Variants in DSG4 observed in about 807,000 individuals in gnomAD.
The protein encoded by DSG4 is desmoglein-4.
In DSG4, 87 loss-of-function variants were observed where a neutral mutation model predicts 93.1. The observed-to-expected ratio is 0.93, with a 90% CI of 0.79 to 1.12. The LOEUF (loss-of-function observed/expected upper bound fraction) is 1.12, where lower values mean the gene tolerates loss of function less well. Ranked by LOEUF, DSG4 falls within the 50% of genes most tolerant of loss-of-function variation. The pLI, the probability that DSG4 is intolerant of heterozygous loss-of-function variation, is 0.00. For missense variants in DSG4, 1,373 were observed against 1,285.7 expected, an observed-to-expected ratio of 1.07 and a Z score of -1.04; for synonymous variants, 432 against 452.9, an observed-to-expected ratio of 0.95 and a Z score of 0.59.
chr18:31,403,048 G>A (rs1393681482), intron 10 of DSG4, among the ~76,000 whole-genome samples: 2 of 151,990 alleles, frequency 1.3e-5, no homozygotes, highest in Non-Finnish European at 2.9e-5. Flanking sequence ...CTAATTTATG[G>A]GAACAGGGTG....
chr18:31,411,471 T>C, intron 15 of DSG4, 23 bp downstream of exon 15: 1 of 1,610,612 alleles, frequency 6.2e-7, no homozygotes, highest in Non-Finnish European at 8.5e-7. Context: ...CAGTCACACA[T>C]AAAATCGTCT....
chr18:31,396,609 G>A (rs1017711224), intron 8 of DSG4, among the ~76,000 whole-genome samples: 43 of 152,038 alleles, frequency 2.8e-4, no homozygotes, highest in African/African-American at 9.2e-4. Context: ...GCCCACCTCA[G>A]CTTCGCACAG....
intron 8 of DSG4, among the ~76,000 whole-genome samples, chr18:31,396,891 CCTT>C (rs2072311787): frequency 6.6e-6 from 1 of 152,106 alleles, no homozygotes; most frequent in Admixed American, 6.5e-5. Flanking sequence ...ACTATAAACT[CCTT>C]CCCAGCTGTG....
In DSG4 at chr18:31,404,389, T is replaced by C. The variant is rs558324771; in HGVS notation, c.1636+755T>C. The stretch of plus-strand genomic sequence containing the variant: ...AGAATAAATTTCAGATAACATAACA[T>C]TTTATCTACCTTGCGTTCTTTTTCC... On this transcript the variant is annotated intron_variant, in intron 11 of 15. Transcript: ENST00000308128. Among the ~76,000 whole-genome samples the C allele has an allele frequency of 1.0e-3, 153 of 152,330 alleles. 1 individual carries two copies. The highest frequency in any genetic ancestry group is 2.9e-3 in the Admixed American group (45 of 15,294).
rs763071841 is a variant in DSG4, at chr18:31,409,507, G to A, written c.1989G>A (p.Leu663=). ...CCCKQRQPEG[L]GTRFAPVPEG... ...GCAAACAGAGACAGCCAGAAGGCCT[G>A]GGAACAAGATTTGCTCCTGTGCCTG... The change falls in exon 13 of 16, where the codon CTG becomes CTA. Residue 663 remains leucine (L), a synonymous_variant. Transcript: ENST00000308128. 1.2e-6 allele frequency: 2 copies of A among 1,614,124 alleles called. No individual in the cohort carries two copies. Among genetic ancestry groups the A allele is most frequent in the East Asian group, 2.2e-5 (1 of 44,880 alleles).
rs1186501270 is a variant in DSG4 at position 31,392,085 on chromosome 18, A to G, written c.820-70A>G. 2.1e-6 allele frequency: 3 copies of G among 1,431,032 alleles called. No homozygotes were observed. The East Asian group carries it at 7.0e-5, about 33-fold the overall frequency. 88.6% of individuals were successfully genotyped at this position (1,431,032 alleles called of 1,614,324 possible). ...GTTTGTTGTTAGTATTTTAAATAAT[A>G]ATAATGTGTTTTAAGTACGTTTCTT... On this transcript the variant is annotated intron_variant, in intron 7 of 15. Transcript: ENST00000308128.
At chr18:31,403,874 A>G (rs1274750843) in intron 11 of DSG4, among the ~76,000 whole-genome samples, 1 of 152,222 alleles carries the variant, frequency 6.6e-6, no homozygotes, top group Non-Finnish European at 1.5e-5. Flanking sequence ...GTGGATAAAT[A>G]CCAGTTTACC....
rs562834213 is a variant in DSG4, at chr18:31,390,628, C to T, written c.518-28C>T. 1.7e-5 allele frequency: 27 copies of T among 1,612,736 alleles called. No individual in the cohort carries two copies. In the South Asian group the frequency reaches 2.4e-4, roughly 14 times the overall value. The stretch of plus-strand genomic sequence containing the variant: ...CTGAATTTATTCTAAGAGTCCCAAC[C>T]ATTCTCCACCTCCATTTCTATTTCT... On this transcript the variant is annotated intron_variant, in intron 5 of 15. Transcript: ENST00000308128.
At chr18:31,399,566 G>A (rs1160712431) in intron 9 of DSG4, 23 bp downstream of exon 9, 1 of 1,613,410 alleles carries the variant, frequency 6.2e-7, no homozygotes, top group South Asian at 1.1e-5. Flanking sequence ...TTTTCTTCAT[G>A]TTCTATGGTT....
rs1269350558 is a variant in DSG4, at chr18:31,399,546, A to G, written c.1277+3A>G. On this transcript the variant is annotated splice_donor_region_variant and intron_variant, in intron 9 of 15. Coordinates refer to ENST00000308128, the MANE Select transcript of DSG4 (RefSeq NM_177986.5). ...GGAAACCCTGCAACAGATGTCAGGT[A>G]CTGCAACTATTTTCTTCATGTTCTA... is the stretch of plus-strand genomic sequence containing the variant. 8.7e-6 allele frequency: 14 copies of G among 1,613,788 alleles called. No individual in the cohort carries two copies. The highest frequency in any genetic ancestry group is 1.2e-5 in the Non-Finnish European group (14 of 1,179,894).
chr18:31,390,643 T>C lies in DSG4; in HGVS notation c.518-13T>C. On this transcript the variant is annotated splice_polypyrimidine_tract_variant and intron_variant, in intron 5 of 15. Coordinates refer to ENST00000308128, the MANE Select transcript of DSG4 (RefSeq NM_177986.5). ...GAGTCCCAACCATTCTCCACCTCCATTTCTATTTCTAGATACATTGGTAGT... is the reference window on the plus strand; with the variant it reads ...GAGTCCCAACCATTCTCCACCTCCACTTCTATTTCTAGATACATTGGTAGT... 1 of 1,613,280 alleles carries C rather than the reference T, an allele frequency of 6.2e-7. No homozygotes were observed. The highest frequency in any genetic ancestry group is 8.5e-7 in the Non-Finnish European group (1 of 1,179,392).
intron 1 of DSG4, among the ~76,000 whole-genome samples, chr18:31,379,848 G>T (rs2144156193): frequency 6.6e-6 from 1 of 152,254 alleles, no homozygotes; most frequent in Admixed American, 6.5e-5. Context: ...ATATGACAGA[G>T]AGAAAAACAC....
rs2072511441 is a variant in DSG4 at position 31,412,928 on chromosome 18, G to T, written c.2456G>T (p.Gly819Val). 6.2e-7 allele frequency: 1 copy of T among 1,614,166 alleles called. No homozygotes were observed. The highest frequency in any genetic ancestry group is 1.3e-5 in the African/African-American group (1 of 75,034). The change falls in exon 16 of 16, where the codon GGT becomes GTT. Residue 819 changes from glycine to valine, a missense_variant. By Grantham distance (109) the Gly-to-Val change is moderately radical. Transcript: ENST00000308128. ...EGVGSPVGSI[G>V]CCSWIVDDLD... ...GTCGGGTCTCCCGTAGGCTCTATTGGTTGTTGCAGTTGGATTGTGGATGAC... is the reference window on the plus strand; with the variant it reads ...GTCGGGTCTCCCGTAGGCTCTATTGTTTGTTGCAGTTGGATTGTGGATGAC...
chr18:31,383,804 G>A (rs1434958104), intron 1 of DSG4, among the ~76,000 whole-genome samples: 1 of 152,014 alleles, frequency 6.6e-6, no homozygotes, highest in Non-Finnish European at 1.5e-5. Flanking sequence ...CTAAACTAAG[G>A]AATAATGGAA....
intron 10 of DSG4, 46 bp downstream of exon 10, chr18:31,401,066 T>C (rs994812527): frequency 2.1e-6 from 3 of 1,425,986 alleles, no homozygotes; most frequent in African/African-American, 2.9e-5. Context: ...AGTACTATTA[T>C]ATTAAATATT....
In DSG4 at chr18:31,403,590, A is replaced by G. The variant is rs755354160; in HGVS notation, c.1592A>G (p.Glu531Gly). ...CCGTTTACTTTCTGTGTTGTTGATG[A>G]GCCACCAGGAATAGCTGACATGTGG... ...GSPFTFCVVDEPPGIADMWDV... is the reference protein window; with the variant it reads ...GSPFTFCVVDGPPGIADMWDV... The change falls in exon 11 of 16, where the codon GAG becomes GGG. Residue 531 changes from glutamate (E) to glycine (G), a missense_variant. Coordinates refer to ENST00000308128, the MANE Select transcript of DSG4 (RefSeq NM_177986.5). 1 of 1,614,072 alleles carries G rather than the reference A, an allele frequency of 6.2e-7. No individual in the cohort carries two copies. Among genetic ancestry groups the G allele is most frequent in the Non-Finnish European group, 8.5e-7 (1 of 1,179,954 alleles).
chr18:31,389,166 T>C (rs2072222838), intron 5 of DSG4, 148 bp downstream of exon 5: 1 of 912,900 alleles, frequency 1.1e-6, no homozygotes, highest in African/African-American at 1.7e-5. Context: ...AATTTATAAC[T>C]GAGCTAGAAA....
At chr18:31,411,866 A>G (rs909998877) in intron 15 of DSG4, among the ~76,000 whole-genome samples, 3 of 152,186 alleles carry the variant, frequency 2.0e-5, no homozygotes, top group Non-Finnish European at 2.9e-5. Context: ...GAAAATAAAA[A>G]GAATTGGGAA....
rs377479377 is a variant in DSG4, at chr18:31,409,479, G to C, written c.1961G>C (p.Cys654Ser). Residue 654 changes from cysteine (C) to serine (S), a missense_variant, in exon 13 of 16, where the codon TGC becomes TCC. Cys to Ser is a moderately radical substitution (Grantham distance 112). Coordinates refer to ENST00000308128, the MANE Select transcript of DSG4 (RefSeq NM_177986.5). ...ILAPLLLLLCCCKQRQPEGLG... is the reference protein window; with the variant it reads ...ILAPLLLLLCSCKQRQPEGLG... ...GCTCCACTCTTGCTGCTCCTGTGTT[G>C]CTGCAAACAGAGACAGCCAGAAGGC... 1.2e-6 allele frequency: 2 copies of C among 1,614,132 alleles called. No homozygotes were observed. The highest frequency in any genetic ancestry group is 1.7e-6 in the Non-Finnish European group (2 of 1,180,032).
Sources: allele counts gnomAD v4.1 joint callset (sites outside exome capture counted in the v4.1 genomes callset), GRCh38; gene constraint gnomAD v4.1.1; transcripts MANE v1.5; gene names NCBI Gene and HGNC (gene_info 2026-07-23, HGNC 2026-07-21).